Variants in SQLE observed in about 807,000 individuals in gnomAD.
SQLE encodes squalene monooxygenase.
SQLE carries 29 observed loss-of-function variants against 60.7 expected under a neutral mutation model. That is an observed-to-expected ratio of 0.48 (90% CI 0.36 to 0.65). The LOEUF is 0.65. Ranked by LOEUF, SQLE falls within the 30% of genes least tolerant of loss-of-function variation. SQLE has a pLI of 0.00. For synonymous variants in SQLE, 237 were observed against 246.8 expected (o/e 0.96, Z 0.37); for missense variants, 605 against 684.1 (o/e 0.88, Z 1.29).
chr8:125,003,180 G>T lies in SQLE; in HGVS notation c.296G>T (p.Arg99Ile). 1 of 1,603,132 alleles carries T rather than the reference G, an allele frequency of 6.2e-7. No homozygotes were observed. Among genetic ancestry groups the T allele is most frequent in the Non-Finnish European group, 8.5e-7 (1 of 1,175,750 alleles). The change falls in exon 2 of 11, where the codon AGA becomes ATA. Residue 99 changes from arginine (R) to isoleucine (I), a missense_variant. Physicochemically the swap from Arg to Ile is moderately conservative, Grantham distance 97. Coordinates refer to ENST00000265896, the MANE Select transcript of SQLE (RefSeq NM_003129.4). ...NKEQLEARRR[R>I]KGTNISETSL... is the part of the protein sequence containing the mutation. ...TACCTTTTTTTTTTTAAACAGCGCA[G>T]AAAAGGAACCAATATTTCAGAAACA... is the stretch of plus-strand genomic sequence containing the variant.
At position 124,998,570 on chromosome 8, in the gene SQLE, C is replaced by G; in HGVS notation, c.-834C>G. The G allele has an allele frequency of 1.5e-6, 1 of 684,040 alleles. No individual in the cohort carries two copies. The highest frequency in any genetic ancestry group is 2.7e-6 in the Non-Finnish European group (1 of 376,786). 42.4% of individuals were successfully genotyped at this position (684,040 alleles called of 1,614,324 possible). A position where few individuals can be genotyped will look rare whatever the true frequency, so the allele number is the denominator to read the frequency against. ...GTTACTCTGGTTACTGGGGCCGCGC[C>G]GCGCTGGCGAGAGCCGCCGCCCGCG... On this transcript the variant is annotated 5_prime_UTR_variant, in exon 1 of 11. Transcript: ENST00000265896.
intron 7 of SQLE, among the ~76,000 whole-genome samples, chr8:125,012,349 C>A (rs1464079245): frequency 6.6e-6 from 1 of 152,090 alleles, no homozygotes; most frequent in Non-Finnish European, 1.5e-5. Flanking sequence ...TGTGCATCAC[C>A]ACCACAATCA....
chr8:125,015,701 A>G (rs1815100052), intron 7 of SQLE, among the ~76,000 whole-genome samples: 1 of 152,110 alleles, frequency 6.6e-6, no homozygotes, highest in Non-Finnish European at 1.5e-5. Flanking sequence ...TGAGTTTTGT[A>G]CCTTCATGTA....
Position 125,005,529 on chromosome 8 carries a change from A to C in SQLE, c.549A>C (p.Thr183=). The C allele has an allele frequency of 6.3e-7, 1 of 1,588,772 alleles. No individual in the cohort carries two copies. The highest frequency in any genetic ancestry group is 1.3e-5 in the African/African-American group (1 of 74,322). ...TTGAACTCGATTGCTTTGCAGATAC[A>C]GTGGAAGGTCTTGATGCCCAGGTTG... ...HVLKDLGLGD[T]VEGLDAQVVN... is the part of the protein sequence containing the mutation. Residue 183 remains threonine, a synonymous_variant, in exon 3 of 11, where the codon ACA becomes ACC. Transcript: ENST00000265896.
rs1802526 is a variant in SQLE at position 125,022,133 on chromosome 8, A to G, written c.*188A>G. On this transcript the variant is annotated 3_prime_UTR_variant, in exon 11 of 11. Transcript: ENST00000265896. ...ATGTAAATACATGCTTTAATTTGCA[A>G]TTTAAAATGAAGGGGTTAAATAAGT... The G allele has an allele frequency of 0.028, 10,693 of 382,780 alleles. 237 individuals are homozygous for G. Among genetic ancestry groups the G allele is most frequent in the South Asian group, 0.15 (1,157 of 7,518 alleles). 23.7% of individuals were successfully genotyped at this position (382,780 alleles called of 1,614,324 possible).
chr8:125,012,877 AGTGT>A (rs1350243979), intron 7 of SQLE, among the ~76,000 whole-genome samples: 1 of 152,224 alleles, frequency 6.6e-6, no homozygotes, highest in African/African-American at 2.4e-5. Flanking sequence ...TCCTTTCAGC[AGTGT>A]GTGAGTTCTA....
chr8:125,019,161 G>A (rs1414062250), intron 9 of SQLE: 2 of 167,002 alleles, frequency 1.2e-5, no homozygotes, highest in Admixed American at 6.4e-5. Context: ...AAAAGCACAA[G>A]TAACAATGCA....
chr8:125,006,405 G>A (rs1814946380), intron 3 of SQLE, among the ~76,000 whole-genome samples: 1 of 151,946 alleles, frequency 6.6e-6, no homozygotes, highest in Non-Finnish European at 1.5e-5. Flanking sequence ...CAGATCACGA[G>A]GTCAGGAGTT....
chr8:125,018,792 A>G, intron 9 of SQLE, 65 bp downstream of exon 9: 1 of 1,060,224 alleles, frequency 9.4e-7, no homozygotes, highest in Admixed American at 3.0e-5. Flanking sequence ...GAAAGGAATA[A>G]ACAAGTTAGT....
chr8:125,001,449 G>GGTGTGTGT (rs57946751), intron 1 of SQLE, among the ~76,000 whole-genome samples: 2,210 of 136,988 alleles, frequency 0.016, 48 homozygotes, highest in African/African-American at 0.043. Flanking sequence ...CTCCTTTCAG[G>GGTGTGTGT]GTGTGTGTGT....
In SQLE at chr8:125,019,873, C is replaced by A. The variant is rs530169444; in HGVS notation, c.1445-911C>A. On this transcript the variant is annotated intron_variant, in intron 9 of 10. Coordinates refer to ENST00000265896, the MANE Select transcript of SQLE (RefSeq NM_003129.4). ...CTCTTCCTAAGGAAAAAAAACAAAA[C>A]AAAAACCCCACCAATCTCACTGGTT... Among the ~76,000 whole-genome samples, 42 of 149,108 alleles carry A rather than the reference C, an allele frequency of 2.8e-4. No individual in the cohort carries two copies. The South Asian group carries it at 8.0e-3, about 28-fold the overall frequency.
chr8:125,018,059 G>A lies in SQLE; in HGVS notation c.1205G>A (p.Gly402Asp). The A allele has an allele frequency of 6.2e-7, 1 of 1,613,158 alleles. No individual in the cohort carries two copies. The highest frequency in any genetic ancestry group is 8.5e-7 in the Non-Finnish European group (1 of 1,179,722). ...FLPPSSVKKR[G>D]VLLLGDAYNM... Reference sequence around the variant, plus strand: ...AAATCTTCATTACCTCTCTTCATAGGTGTTCTTCTTTTGGGAGACGCATAT... The same window carrying A: ...AAATCTTCATTACCTCTCTTCATAGATGTTCTTCTTTTGGGAGACGCATAT... The change falls in exon 8 of 11, where the codon GGT becomes GAT. Residue 402 changes from glycine (G) to aspartate (D), a missense_variant and splice_region_variant. Gly to Asp is a moderately conservative substitution (Grantham distance 94). Coordinates refer to ENST00000265896, the MANE Select transcript of SQLE (RefSeq NM_003129.4).
chr8:125,018,750 G>T, intron 9 of SQLE, 23 bp downstream of exon 9: 1 of 1,457,896 alleles, frequency 6.9e-7, no homozygotes, highest in Non-Finnish European at 9.4e-7. Context: ...ACTTTTTAGT[G>T]AATATTACTC....
intron 4 of SQLE, among the ~76,000 whole-genome samples, chr8:125,007,801 T>C (rs1814978445): frequency 6.6e-6 from 1 of 152,242 alleles, no homozygotes; most frequent in Non-Finnish European, 1.5e-5. Flanking sequence ...ATTTATCAAA[T>C]GAACTGAGTT....
intron 3 of SQLE, 117 bp from the exon 4 acceptor site, chr8:125,007,274 T>C (rs1814967740): frequency 1.7e-6 from 1 of 587,212 alleles, no homozygotes; most frequent in East Asian, 3.0e-5. Context: ...ATTGGACACG[T>C]GTTTGCACAC....
intron 2 of SQLE, among the ~76,000 whole-genome samples, chr8:125,003,974 A>G (rs1017451074): frequency 2.0e-5 from 3 of 152,096 alleles, no homozygotes; most frequent in South Asian, 2.1e-4. Flanking sequence ...CACTAATCCT[A>G]TCGTGAGAGT....
rs1421411170 is a variant in SQLE, at chr8:125,009,006, G to T, written c.858G>T (p.Gly286=). The T allele has an allele frequency of 3.8e-6, 6 of 1,594,064 alleles. No homozygotes were observed. The African/African-American group carries it at 5.4e-5, about 14-fold the overall frequency. The change falls in exon 5 of 11, where the codon GGG becomes GGT. Residue 286 remains glycine, a synonymous_variant. Coordinates refer to ENST00000265896, the MANE Select transcript of SQLE (RefSeq NM_003129.4). ...CTCCACTGACTGTTGTTGCAGATGGGCTTTTCTCCAAGTTCAGGAAAAGCC... is the reference window on the plus strand; with the variant it reads ...CTCCACTGACTGTTGTTGCAGATGGTCTTTTCTCCAAGTTCAGGAAAAGCC... ...LHAPLTVVAD[G]LFSKFRKSLV... is the part of the protein sequence containing the mutation.
rs1038507733 is a variant in SQLE at position 125,016,364 on chromosome 8, T to G, written c.1205-1695T>G. ...TTTCAAGCTTACTAATTCTTTCTTC[T>G]GCTTGATCAGTTCTACTGTTGAGAT... On this transcript the variant is annotated intron_variant, in intron 7 of 10. Transcript: ENST00000265896. This position sits in a 1 kb window ranked among gnomAD's most constrained non-coding sequence, Gnocchi z 4.1. 2.6e-5 allele frequency among the ~76,000 whole-genome samples: 4 copies of G among 152,156 alleles called. No individual in the cohort carries two copies. Among genetic ancestry groups the G allele is most frequent in the Admixed American group, 2.0e-4 (3 of 15,280 alleles).
At chr8:125,010,156 T>C (rs1815017491) in intron 6 of SQLE, among the ~76,000 whole-genome samples, 1 of 152,234 alleles carries the variant, frequency 6.6e-6, no homozygotes, top group Non-Finnish European at 1.5e-5. Context: ...AGGGTTGATA[T>C]CAGGTCTGTC....
Sources: allele counts gnomAD v4.1 joint callset (sites outside exome capture counted in the v4.1 genomes callset), GRCh38; gene constraint gnomAD v4.1.1; non-coding constraint Gnocchi (gnomAD v3.1); transcripts MANE v1.5; gene names NCBI Gene and HGNC (gene_info 2026-07-23, HGNC 2026-07-21).